The following FAT3 variants were observed in gnomAD, a reference collection of about 807,000 sequenced individuals.
The protein encoded by FAT3 is FAT atypical cadherin 3.
In FAT3, 95 loss-of-function variants were observed where a neutral mutation model predicts 310.2. The observed-to-expected ratio is 0.31, with a 90% CI of 0.26 to 0.36. The LOEUF (loss-of-function observed/expected upper bound fraction) is 0.36, where lower values mean the gene tolerates loss of function less well. FAT3 is among the 10% of genes least tolerant of loss of function. The pLI, the probability that FAT3 is intolerant of heterozygous loss-of-function variation, is 1.00. For synonymous variants in FAT3, 2,314 were observed against 2,192.9 expected (o/e 1.06, Z -1.54); for missense variants, 5,408 against 5,715.6 (o/e 0.95, Z 1.74).
chr11:92,443,836 TAAG>T (rs1356141908), intron 2 of FAT3, among the ~76,000 whole-genome samples: 4 of 151,928 alleles, frequency 2.6e-5, no homozygotes, highest in East Asian at 1.9e-4. Context: ...AGAAGATAAA[TAAG>T]AAGAGGAGGA....
intron 2 of FAT3, among the ~76,000 whole-genome samples, chr11:92,411,609 A>G (rs947895213): frequency 3.3e-5 from 5 of 152,138 alleles, no homozygotes; most frequent in African/African-American, 7.2e-5. Context: ...GAGAGAATCC[A>G]GGGATTCTCA....
intron 4 of FAT3, among the ~76,000 whole-genome samples, chr11:92,708,963 G>A (rs980907527): frequency 1.3e-5 from 2 of 152,112 alleles, no homozygotes; most frequent in African/African-American, 4.8e-5. Context: ...TCTACTATTG[G>A]ATCCACAGTC....
chr11:92,447,433 A>G (rs1276312167), intron 2 of FAT3, among the ~76,000 whole-genome samples: 2 of 152,024 alleles, frequency 1.3e-5, no homozygotes, highest in African/African-American at 2.4e-5. Context: ...TAATGACAGA[A>G]TAAAGGTGGA....
At chr11:92,602,231 G>A (rs751942004) in intron 3 of FAT3, among the ~76,000 whole-genome samples, 5 of 151,834 alleles carry the variant, frequency 3.3e-5, no homozygotes, top group Non-Finnish European at 5.9e-5. Context: ...CTGCCACCAC[G>A]CCCGGCTAAT....
At chr11:92,305,736 GC>G (rs1947100897) in intron 1 of FAT3, among the ~76,000 whole-genome samples, 2 of 152,186 alleles carry the variant, frequency 1.3e-5, no homozygotes, top group South Asian at 4.1e-4. Flanking sequence ...AAGTCAGTCT[GC>G]AAAATTGCCA....
chr11:92,864,108 G>A (rs777773677), intron 21 of FAT3, among the ~76,000 whole-genome samples: 6 of 152,212 alleles, frequency 3.9e-5, no homozygotes, highest in African/African-American at 7.2e-5. Context: ...ATGTTCTTCA[G>A]TTATAGAACT....
intron 1 of FAT3, among the ~76,000 whole-genome samples, chr11:92,313,154 A>C (rs1352464628): frequency 6.6e-6 from 1 of 152,062 alleles, no homozygotes; most frequent in Non-Finnish European, 1.5e-5. Context: ...GCATAAAACA[A>C]ATGCTGTATT....
chr11:92,712,425 A>G (rs1170055054), intron 4 of FAT3, among the ~76,000 whole-genome samples: 3 of 152,228 alleles, frequency 2.0e-5, no homozygotes, highest in Non-Finnish European at 2.9e-5. Flanking sequence ...ATATGCTTCT[A>G]TAAAACATCC....
At position 92,697,417 on chromosome 11, in the gene FAT3, G is replaced by A. The variant is rs998069748; in HGVS notation, c.3641G>A (p.Arg1214Gln). 5.6e-6 allele frequency: 9 copies of A among 1,613,822 alleles called. No individual in the cohort carries two copies. Among genetic ancestry groups the A allele is most frequent in the African/African-American group, 1.3e-5 (1 of 75,042 alleles). Reference sequence around the variant, plus strand: ...ACAACAACTTCAAGGAAATTGGATCGAGAACAGCAGGCAGAACATTTTCTG... The same window carrying A: ...ACAACAACTTCAAGGAAATTGGATCAAGAACAGCAGGCAGAACATTTTCTG... ...LITTTSRKLD[R>Q]EQQAEHFLEV... Residue 1214 changes from arginine to glutamine, a missense_variant, in exon 4 of 28, where the codon CGA becomes CAA. Arg to Gln is a conservative substitution (Grantham distance 43). Transcript: ENST00000525166.
At position 92,840,681 on chromosome 11, in the gene FAT3, G is replaced by A. The variant is rs762920889; in HGVS notation, c.10488G>A (p.Val3496=). 4 of 1,612,940 alleles carry A rather than the reference G, an allele frequency of 2.5e-6. No individual in the cohort carries two copies. In the African/African-American group the frequency reaches 4.0e-5, roughly 16 times the overall value. ...CGGGAAATGAAGAGGAGGAGTTTGTGTTGGACCCTCATGGGATCTTGCGGT... is the reference window on the plus strand; with the variant it reads ...CGGGAAATGAAGAGGAGGAGTTTGTATTGGACCCTCATGGGATCTTGCGGT... The part of the protein sequence containing the change: ...ILSGNEEEEF[V]LDPHGILRSA... Residue 3496 remains valine, a synonymous_variant, in exon 18 of 28, where the codon GTG becomes GTA. Transcript: ENST00000525166.
At chr11:92,753,585 GA>G (rs1175060149) in intron 4 of FAT3, among the ~76,000 whole-genome samples, 1 of 151,880 alleles carries the variant, frequency 6.6e-6, no homozygotes, top group Non-Finnish European at 1.5e-5. Context: ...GGAGGATATG[GA>G]AAAAAGGAAT....
intron 4 of FAT3, among the ~76,000 whole-genome samples, chr11:92,718,400 C>T (rs1287726872): frequency 1.3e-5 from 2 of 152,000 alleles, no homozygotes; most frequent in African/African-American, 2.4e-5. Flanking sequence ...AGGGTTCCTG[C>T]GCTCAAGCTG....
chr11:92,332,406 T>C (rs972122507), intron 1 of FAT3, among the ~76,000 whole-genome samples: 1 of 152,232 alleles, frequency 6.6e-6, no homozygotes, highest in Non-Finnish European at 1.5e-5. Flanking sequence ...GAATTATAGC[T>C]CTACCACATA....
intron 2 of FAT3, among the ~76,000 whole-genome samples, chr11:92,468,430 G>A (rs1951825861): frequency 6.6e-6 from 1 of 152,152 alleles, no homozygotes; most frequent in South Asian, 2.1e-4. Flanking sequence ...ATAACCTTTT[G>A]TATAGCATCT....
chr11:92,886,019 T>G (rs1286641112), intron 24 of FAT3, among the ~76,000 whole-genome samples: 9 of 152,196 alleles, frequency 5.9e-5, no homozygotes, highest in Admixed American at 6.5e-5. Context: ...CAAATGTTCC[T>G]TTAATCACAA....
At chr11:92,739,728 T>A (rs563998891) in intron 4 of FAT3, among the ~76,000 whole-genome samples, 2 of 152,306 alleles carry the variant, frequency 1.3e-5, no homozygotes, top group African/African-American at 4.8e-5. Context: ...GAGTGTGCAC[T>A]GTGGTGTTAA....
intron 3 of FAT3, among the ~76,000 whole-genome samples, chr11:92,592,661 A>G (rs1303617909): frequency 6.6e-6 from 1 of 152,110 alleles, no homozygotes; most frequent in Non-Finnish European, 1.5e-5. Flanking sequence ...TTTGATACTG[A>G]CTAAAACAAA....
chr11:92,255,999 C>T (rs1362977714), intron 1 of FAT3, among the ~76,000 whole-genome samples: 1 of 152,112 alleles, frequency 6.6e-6, no homozygotes, highest in Non-Finnish European at 1.5e-5. Context: ...TAGAGTGTTG[C>T]ACTCTGCTGT....
chr11:92,643,764 G>A (rs1433744498), intron 3 of FAT3, among the ~76,000 whole-genome samples: 1 of 152,214 alleles, frequency 6.6e-6, no homozygotes, highest in Non-Finnish European at 1.5e-5. Flanking sequence ...ACCACTGCTT[G>A]TGTGCAAACA....
Sources: gnomAD v4.1 joint callset for allele counts (sites outside exome capture counted in the v4.1 genomes callset) on GRCh38, gnomAD v4.1.1 for gene constraint, MANE v1.5 for transcripts, NCBI Gene and HGNC (gene_info 2026-07-23, HGNC 2026-07-21) for gene names.